The following CNGB1 variants were observed in gnomAD, a reference collection of about 807,000 sequenced individuals.
CNGB1 encodes the protein cyclic nucleotide-gated channel beta-1.
In CNGB1, 126 loss-of-function variants were observed where a neutral mutation model predicts 151.7. That is an observed-to-expected ratio of 0.83 (90% CI 0.72 to 0.96). The LOEUF is 0.96. Among genes scored for constraint, CNGB1 ranks in the 40% least tolerant of loss-of-function variants. CNGB1 has a pLI of 0.00. For synonymous variants in CNGB1, 623 were observed against 635.1 expected, an observed-to-expected ratio of 0.98 and a Z score of 0.29; for missense variants, 1,698 against 1,627.0, an observed-to-expected ratio of 1.04 and a Z score of -0.75.
intron 3 of CNGB1, 47 bp downstream of exon 3, chr16:57,964,440 G>A (rs200674695): frequency 6.2e-7 from 1 of 1,607,462 alleles, no homozygotes; most frequent in East Asian, 2.2e-5. Context: ...AGGGGAGAAT[G>A]CGGGCCCCCC....
chr16:57,955,098 A>T (rs1227252612), intron 12 of CNGB1: 21 of 1,398,844 alleles, frequency 1.5e-5, no homozygotes, highest in Middle Eastern at 2.7e-4. Context: ...GTCTAGCCTA[A>T]ATCTTGCAGG....
intron 16 of CNGB1, among the ~76,000 whole-genome samples, chr16:57,938,430 A>G (rs1337896690): frequency 1.3e-5 from 2 of 152,188 alleles, no homozygotes; most frequent in African/African-American, 4.8e-5. Context: ...TCCTCGTCCC[A>G]ATATTGACTC....
chr16:57,962,665 C>T (rs1962288252), intron 6 of CNGB1, 55 bp from the exon 7 acceptor site: 2 of 1,593,336 alleles, frequency 1.3e-6, no homozygotes, highest in East Asian at 2.2e-5. Flanking sequence ...CTGCCCCAGC[C>T]CCCTGGGCAG....
chr16:57,917,377 T>C lies in CNGB1; in HGVS notation c.2057A>G (p.Asp686Gly), dbSNP rs1960898681. 2.5e-6 allele frequency: 4 copies of C among 1,614,034 alleles called. No individual in the cohort carries two copies. Among genetic ancestry groups the C allele is most frequent in the South Asian group, 1.1e-5 (1 of 91,078 alleles). Residue 686 changes from aspartate (D) to glycine (G), a missense_variant, in exon 21 of 33, where the codon GAC (aspartate) becomes GGC (glycine). By Grantham distance (94) the Asp-to-Gly change is moderately conservative (BLOSUM62 -1). Coordinates refer to ENST00000251102, the MANE Select transcript of CNGB1 (RefSeq NM_001297.5). ...VRWAFPYQTP[D>G]NIHHWLLMDY... Reference sequence around the variant, plus strand: ...CATCAGCAGCCAGTGGTGGATGTTGTCCGGGGTCTGGTAGGGGAAGGCCCA... The same window carrying C: ...CATCAGCAGCCAGTGGTGGATGTTGCCCGGGGTCTGGTAGGGGAAGGCCCA...
chr16:57,900,344 A>G (rs1329532813), intron 29 of CNGB1, among the ~76,000 whole-genome samples: 1 of 152,118 alleles, frequency 6.6e-6, no homozygotes, highest in Non-Finnish European at 1.5e-5. Context: ...ACAGCATATA[A>G]CCTGGAGACA....
chr16:57,945,976 C>T (rs1452034177), intron 14 of CNGB1, among the ~76,000 whole-genome samples: 15 of 152,242 alleles, frequency 9.9e-5, no homozygotes, highest in Non-Finnish European at 2.1e-4. Flanking sequence ...GTGGCGCTGT[C>T]AGCATCACCG....
intron 27 of CNGB1, 94 bp from the exon 28 acceptor site, chr16:57,901,719 C>G (rs1477703349): frequency 2.1e-6 from 2 of 965,626 alleles, no homozygotes; most frequent in African/African-American, 3.2e-5. Context: ...CTCACCAGGG[C>G]ACACCATTGC....
intron 18 of CNGB1, among the ~76,000 whole-genome samples, chr16:57,922,778 T>A (rs1415119531): frequency 6.6e-6 from 1 of 152,006 alleles, no homozygotes; most frequent in Non-Finnish European, 1.5e-5. Context: ...CTGCACCACA[T>A]CCCCTGGGGA....
chr16:57,939,441 G>A lies in CNGB1; in HGVS notation c.1361C>T (p.Ala454Val), dbSNP rs1261247963. The A allele has an allele frequency of 6.2e-7, 1 of 1,614,046 alleles. No homozygotes were observed. Among genetic ancestry groups the A allele is most frequent in the Non-Finnish European group, 8.5e-7 (1 of 1,180,004 alleles). Residue 454 changes from alanine (A) to valine (V), a missense_variant, in exon 16 of 33, where the codon GCC becomes GTC. Transcript: ENST00000251102. ...ACCACCACACCTACCTCCTGAACTG[G>A]CAGCCTCGGCCTCAGCCTCAGGCTC... Reference protein sequence around the residue: ...KEEPEAEAEAASSGVPATKQH... With the variant: ...KEEPEAEAEAVSSGVPATKQH...
Position 57,960,062 on chromosome 16 carries a change from G to A in CNGB1, c.587C>T (p.Pro196Leu). The change falls in exon 10 of 33, where the codon CCT (proline) becomes CTT (leucine). Residue 196 changes from proline (P) to leucine (L), a missense_variant. Pro to Leu is a moderately conservative substitution (Grantham distance 98). Coordinates refer to ENST00000251102, the MANE Select transcript of CNGB1 (RefSeq NM_001297.5). ...CCCCATTTCCTGGGGGCGTCCTGGA[G>A]GCGCTAAGCAGCGGGGAAAGCAGGA... ...VATGAASDPA[P>L]PGRPQEMGPK... 1 of 1,552,714 alleles carries A rather than the reference G, an allele frequency of 6.4e-7. No homozygotes were observed. Among genetic ancestry groups the A allele is most frequent in the South Asian group, 1.2e-5 (1 of 85,056 alleles).
rs1003564801 is a variant in CNGB1 at position 57,884,097 on chromosome 16, G to A, written c.*67C>T. ...GTGGGGGAAGGTGGGGCGCTGGGGC[G>A]CAGGGGCGCAGCGGGCGCTGGGGAC... is the stretch of plus-strand genomic sequence containing the variant. On this transcript the variant is annotated 3_prime_UTR_variant, in exon 33 of 33. Transcript: ENST00000251102. 4 of 1,605,978 alleles carry A rather than the reference G, an allele frequency of 2.5e-6. No homozygotes were observed. The highest frequency in any genetic ancestry group is 3.4e-6 in the Non-Finnish European group (4 of 1,173,070).
rs368987059 is a variant in CNGB1 at position 57,888,012 on chromosome 16, C to T, written c.3305G>A (p.Arg1102Gln). Residue 1102 changes from arginine (R) to glutamine (Q), a missense_variant, in exon 32 of 33, where the codon CGG (arginine) becomes CAG (glutamine). Coordinates refer to ENST00000251102, the MANE Select transcript of CNGB1 (RefSeq NM_001297.5). ...GTTGAAGAGCTTTGGGGTGCCCGCCCGGGGTGGAAGGATCAGCACGCTCTT... is the reference window on the plus strand; with the variant it reads ...GTTGAAGAGCTTTGGGGTGCCCGCCTGGGGTGGAAGGATCAGCACGCTCTT... Reference protein sequence around the residue: ...EEKSVLILPPRAGTPKLFNAA... With the variant: ...EEKSVLILPPQAGTPKLFNAA... The T allele has an allele frequency of 1.9e-5, 31 of 1,614,128 alleles. No homozygotes were observed. In the East Asian group the frequency reaches 2.0e-4, roughly 10 times the overall value.
Position 57,884,170 on chromosome 16 carries a change from C to G in CNGB1, c.3750G>C (p.Ala1250=). 1 of 1,614,056 alleles carries G rather than the reference C, an allele frequency of 6.2e-7. No homozygotes were observed. Among genetic ancestry groups the G allele is most frequent in the Admixed American group, 1.7e-5 (1 of 60,028 alleles). ...GGATCCGCCTCACCCCACCTTACTC[C>G]GCCTTCTCCTCCCTTTCCTCCGGCA... ...VKMPEEREEK[A]E Residue 1250 remains alanine, a synonymous_variant, in exon 33 of 33, where the codon GCG becomes GCC. Transcript: ENST00000251102.
intron 17 of CNGB1, among the ~76,000 whole-genome samples, chr16:57,929,629 G>A (rs1479725643): frequency 1.4e-4 from 21 of 152,212 alleles, no homozygotes. Flanking sequence ...ATCTTCCCAT[G>A]ACAGAGCAGG....
intron 9 of CNGB1, among the ~76,000 whole-genome samples, 161 bp downstream of exon 9, chr16:57,960,321 C>T (rs1412473402): frequency 6.6e-6 from 1 of 152,152 alleles, no homozygotes; most frequent in Non-Finnish European, 1.5e-5. Flanking sequence ...GGAGGGGATT[C>T]TGGTGTCCCC....
intron 16 of CNGB1, among the ~76,000 whole-genome samples, chr16:57,932,431 C>A (rs1367418915): frequency 1.4e-5 from 2 of 140,434 alleles, no homozygotes; most frequent in African/African-American, 5.5e-5. Flanking sequence ...GAGTCGGAGT[C>A]TCGCTCTGTC....
chr16:57,949,612 A>C lies in CNGB1; in HGVS notation c.1035-173T>G, dbSNP rs1961899103. Among the ~76,000 whole-genome samples the C allele has an allele frequency of 2.6e-5, 4 of 152,134 alleles. No homozygotes were observed. In the South Asian group the frequency reaches 6.2e-4, roughly 24 times the overall value. On this transcript the variant is annotated intron_variant, in intron 13 of 32. Transcript: ENST00000251102. ...CGAGCAACCCTGAACTCTCTCTGGC[A>C]ACAAACCCTCTCCTCTGCATGAGGG...
At chr16:57,967,511 C>T (rs1450550228) in intron 1 of CNGB1, among the ~76,000 whole-genome samples, 2 of 152,130 alleles carry the variant, frequency 1.3e-5, no homozygotes, top group Non-Finnish European at 2.9e-5. Context: ...CTGGGCAAGA[C>T]AGCGAGACCC....
In CNGB1 at chr16:57,884,433, C is replaced by T. The variant is rs1397674587; in HGVS notation, c.3487G>A (p.Gly1163Arg). The change falls in exon 33 of 33, where the codon GGA (glycine) becomes AGA (arginine). Residue 1163 changes from glycine to arginine, a missense_variant. Gly to Arg is a moderately radical substitution (Grantham distance 125). Transcript: ENST00000251102. Reference sequence around the variant, plus strand: ...TCTGGGGCGGCGGAGCCTTCCTCTCCCTTGACGTCTTGCGAGCTCTTGGCC... The same window carrying T: ...TCTGGGGCGGCGGAGCCTTCCTCTCTCTTGACGTCTTGCGAGCTCTTGGCC... Reference protein sequence around the residue: ...EQAKSSQDVKGEEGSAAPDQH... With the variant: ...EQAKSSQDVKREEGSAAPDQH... The T allele has an allele frequency of 1.2e-6, 2 of 1,613,640 alleles. No individual in the cohort carries two copies. Among genetic ancestry groups the T allele is most frequent in the Non-Finnish European group, 1.7e-6 (2 of 1,179,884 alleles).
Sources: gnomAD v4.1 joint callset for allele counts (sites outside exome capture counted in the v4.1 genomes callset) on GRCh38, gnomAD v4.1.1 for gene constraint, MANE v1.5 for transcripts, NCBI Gene and HGNC (gene_info 2026-07-23, HGNC 2026-07-21) for gene names.